NKAIN2: variants seen among roughly 807,000 people sequenced by gnomAD.
NKAIN2 encodes the protein sodium/potassium transporting ATPase interacting 2, also known as sodium/potassium-transporting ATPase subunit beta-1-interacting protein 2.
Under a neutral mutation model 32.6 loss-of-function variants are expected in NKAIN2, and 14 were observed. The ratio of observed to expected loss-of-function variants is 0.43; its 90% CI spans 0.28 to 0.67. The LOEUF (loss-of-function observed/expected upper bound fraction) is 0.67. Among genes scored for constraint, NKAIN2 ranks in the 30% least tolerant of loss-of-function variants. NKAIN2 has a pLI of 0.17. For synonymous variants in NKAIN2, 80 were observed against 87.2 expected (o/e 0.92, Z 0.46); for missense variants, 198 against 258.3 (o/e 0.77, Z 1.60).
At chr6:124,583,511 G>GA (rs1489637215) in intron 3 of NKAIN2, among the ~76,000 whole-genome samples, 1 of 152,146 alleles carries the variant, frequency 6.6e-6, no homozygotes, top group Non-Finnish European at 1.5e-5. Context: ...TCATGTATTG[G>GA]AAAAATCAAT....
chr6:124,729,749 G>C (rs1379393649), intron 4 of NKAIN2, among the ~76,000 whole-genome samples: 5 of 151,310 alleles, frequency 3.3e-5, no homozygotes, highest in South Asian at 2.1e-4. Flanking sequence ...TATTCAATTA[G>C]GAAAAGAGGA....
chr6:124,718,450 T>C (rs1775859594), intron 4 of NKAIN2, among the ~76,000 whole-genome samples: 1 of 152,214 alleles, frequency 6.6e-6, no homozygotes, highest in Non-Finnish European at 1.5e-5. Flanking sequence ...AGTGTATGAA[T>C]GTGTCACATT....
intron 4 of NKAIN2, among the ~76,000 whole-genome samples, chr6:124,783,349 T>C (rs1187502795): frequency 6.6e-6 from 1 of 152,180 alleles, no homozygotes; most frequent in Non-Finnish European, 1.5e-5. Flanking sequence ...ATTTCCCAAC[T>C]TAAATAGATA....
At chr6:124,106,148 TA>T (rs1196312914) in intron 1 of NKAIN2, among the ~76,000 whole-genome samples, 1 of 152,188 alleles carries the variant, frequency 6.6e-6, no homozygotes, top group Non-Finnish European at 1.5e-5. Flanking sequence ...AACTTTATGG[TA>T]CTTTTTGACT....
chr6:124,213,952 T>C (rs1338503779), intron 1 of NKAIN2, among the ~76,000 whole-genome samples: 1 of 152,180 alleles, frequency 6.6e-6, no homozygotes, highest in East Asian at 1.9e-4. Context: ...CTAATTTGGA[T>C]AATAGCTTTC....
intron 3 of NKAIN2, among the ~76,000 whole-genome samples, chr6:124,524,083 A>G (rs1779221489): frequency 6.6e-6 from 1 of 152,142 alleles, no homozygotes; most frequent in Non-Finnish European, 1.5e-5. Flanking sequence ...ACTTTTTCAG[A>G]TGTTGTATGT....
intron 1 of NKAIN2, among the ~76,000 whole-genome samples, chr6:123,866,555 C>T (rs535387297): frequency 2.6e-5 from 4 of 152,228 alleles, no homozygotes; most frequent in East Asian, 3.9e-4. Context: ...CTCAGCCTCC[C>T]GAGTAGCTGG....
chr6:124,757,407 A>AT (rs889638912), intron 4 of NKAIN2, among the ~76,000 whole-genome samples: 1 of 151,992 alleles, frequency 6.6e-6, no homozygotes, highest in African/African-American at 2.4e-5. Context: ...CCCTGTTCTC[A>AT]TTTTTTCCCA....
In NKAIN2 at chr6:124,804,550, T is replaced by C. The variant is rs147040236; in HGVS notation, c.535+13151T>C. 1.9e-3 allele frequency: 484 copies of C among 254,430 alleles called. 2 individuals carry two copies. The highest frequency in any genetic ancestry group is 0.011 in the African/African-American group (464 of 43,374). 15.8% of individuals were successfully genotyped at this position (254,430 alleles called of 1,614,324 possible). ...AACAGGAACAGCTCCGGTCTACAGCTCCCAGCGTGAGCGACGCAGAAGACA... is the reference window on the plus strand; with the variant it reads ...AACAGGAACAGCTCCGGTCTACAGCCCCCAGCGTGAGCGACGCAGAAGACA... On this transcript the variant is annotated intron_variant, in intron 5 of 6. Transcript: ENST00000368417.
intron 1 of NKAIN2, among the ~76,000 whole-genome samples, chr6:123,868,389 A>AT (rs1222414933): frequency 6.6e-6 from 1 of 152,138 alleles, no homozygotes; most frequent in Non-Finnish European, 1.5e-5. Context: ...TCACAGGACC[A>AT]TTTTTCCATA....
chr6:124,672,618 A>T (rs1773160942), intron 4 of NKAIN2, among the ~76,000 whole-genome samples: 1 of 152,080 alleles, frequency 6.6e-6, no homozygotes, highest in Non-Finnish European at 1.5e-5. Flanking sequence ...GAATATTTAT[A>T]ATATATCAGA....
intron 1 of NKAIN2, among the ~76,000 whole-genome samples, chr6:123,852,220 A>G (rs1196676037): frequency 6.6e-6 from 1 of 152,206 alleles, no homozygotes; most frequent in East Asian, 1.9e-4. Context: ...ATCTTTTGAT[A>G]TATGTATACA....
intron 2 of NKAIN2, among the ~76,000 whole-genome samples, chr6:124,333,686 C>CATAAATAA (rs1280809592): frequency 8.9e-6 from 1 of 111,742 alleles, no homozygotes; most frequent in Non-Finnish European, 2.1e-5. Context: ...TAAATAAATA[C>CATAAATAA]ATAAATAAAT....
rs950546686 is a variant in NKAIN2, at chr6:124,733,094, G to A, written c.475-58245G>A. 1.1e-4 allele frequency among the ~76,000 whole-genome samples: 17 copies of A among 151,844 alleles called. No homozygotes were observed. The South Asian group carries it at 1.5e-3, about 13-fold the overall frequency. On this transcript the variant is annotated intron_variant, in intron 4 of 6. Coordinates refer to ENST00000368417, the MANE Select transcript of NKAIN2 (RefSeq NM_001040214.3). Reference sequence around the variant, plus strand: ...CTAGACTTTATGATTAAATTTATGCGGTATTCTGAACAAACCAAAACTATA... The same window carrying A: ...CTAGACTTTATGATTAAATTTATGCAGTATTCTGAACAAACCAAAACTATA...
At chr6:123,909,357 A>C (rs1429462790) in intron 1 of NKAIN2, among the ~76,000 whole-genome samples, 1 of 152,142 alleles carries the variant, frequency 6.6e-6, no homozygotes, top group East Asian at 1.9e-4. Flanking sequence ...GTCTTGCTGC[A>C]CCCACCTGCT....
chr6:123,848,968 T>C (rs1057164941), intron 1 of NKAIN2, among the ~76,000 whole-genome samples: 3 of 152,224 alleles, frequency 2.0e-5, no homozygotes, highest in African/African-American at 7.2e-5. Context: ...TTAAAAATCA[T>C]ATGACATGGT....
At chr6:124,537,515 A>C (rs1779760618) in intron 3 of NKAIN2, among the ~76,000 whole-genome samples, 1 of 152,166 alleles carries the variant, frequency 6.6e-6, no homozygotes, top group Non-Finnish European at 1.5e-5. Flanking sequence ...TATTGTTTGC[A>C]GTATTTTTAT....
chr6:124,169,470 A>G (rs1788738912), intron 1 of NKAIN2, among the ~76,000 whole-genome samples: 1 of 152,174 alleles, frequency 6.6e-6, no homozygotes, highest in Non-Finnish European at 1.5e-5. Context: ...TACATTTTAC[A>G]ATCCATGGCA....
At chr6:124,437,869 T>C (rs552913001) in intron 3 of NKAIN2, 7 of 383,366 alleles carry the variant, frequency 1.8e-5, no homozygotes, top group Middle Eastern at 3.6e-4. Flanking sequence ...TACTGATCTA[T>C]TGATTTTTTT....
Sources: gnomAD v4.1 joint callset for allele counts (sites outside exome capture counted in the v4.1 genomes callset) on GRCh38, gnomAD v4.1.1 for gene constraint, MANE v1.5 for transcripts, NCBI Gene and HGNC (gene_info 2026-07-23, HGNC 2026-07-21) for gene names.